FOXA2: variants seen among roughly 807,000 people sequenced by gnomAD.
The protein encoded by FOXA2 is hepatocyte nuclear factor 3-beta.
Under a neutral mutation model 33.3 loss-of-function variants are expected in FOXA2, and 9 were observed. The observed-to-expected ratio is 0.27, with a 90% CI of 0.16 to 0.47. The LOEUF is 0.47. Ranked by LOEUF, FOXA2 falls within the 20% of genes least tolerant of loss-of-function variation. FOXA2 has a pLI of 0.99. For synonymous variants in FOXA2, 329 were observed against 289.4 expected (o/e 1.14, Z -1.39); for missense variants, 704 against 659.9 (o/e 1.07, Z -0.73).
At chr20:22,584,739 T>C (rs1984718737), upstream of FOXA2, among the ~76,000 whole-genome samples, 1 of 147,660 alleles carries the variant, frequency 6.8e-6, no homozygotes, top group Non-Finnish European at 1.5e-5. Context: ...AGCGGACAAG[T>C]GCCGCAGTGA....
upstream of FOXA2, chr20:22,585,390 T>G (rs1265254716): frequency 1.3e-5 from 2 of 152,218 alleles, no homozygotes; most frequent in Non-Finnish European, 2.9e-5. Flanking sequence ...CTCCGACTCC[T>G]CAGACACCGG....
chr20:22,583,258 C>G, intron 1 of FOXA2, 104 bp from the exon 2 acceptor site: 1 of 1,232,490 alleles, frequency 8.1e-7, no homozygotes, highest in East Asian at 2.3e-5. Context: ...GGGGAGGCCT[C>G]CGGGGAGCCC....
Position 22,582,770 on chromosome 20 carries a change from T to G in FOXA2, c.472A>C (p.Arg158=), listed in dbSNP as rs1568716498. Residue 158 remains arginine (R), a synonymous_variant, in exon 2 of 2, where the codon AGG becomes CGG. Transcript: ENST00000419308. ...LSRARDPKTY[R]RSYTHAKPPY... Reference sequence around the variant, plus strand: ...GGCTTTGCGTGCGTGTAGCTGCGCCTGTAGGTCTTGGGGTCGCGGGCGCGG... The same window carrying G: ...GGCTTTGCGTGCGTGTAGCTGCGCCGGTAGGTCTTGGGGTCGCGGGCGCGG... 3.1e-6 allele frequency: 5 copies of G among 1,614,088 alleles called. No homozygotes were observed. The highest frequency in any genetic ancestry group is 4.2e-6 in the Non-Finnish European group (5 of 1,180,006).
intron 1 of FOXA2, among the ~76,000 whole-genome samples, chr20:22,583,587 C>T (rs1210392481): frequency 1.3e-5 from 2 of 152,248 alleles, no homozygotes; most frequent in South Asian, 2.1e-4. Flanking sequence ...CGGGGCGCCT[C>T]GGGCTGCCTC....
intron 1 of FOXA2, 118 bp from the exon 2 acceptor site, chr20:22,583,272 C>A (rs1600434405): frequency 3.9e-6 from 4 of 1,025,890 alleles, no homozygotes; most frequent in Admixed American, 3.4e-5. Context: ...GGAGCCCTTT[C>A]GTCCCCGATG....
At chr20:22,583,829 C>T (rs1984672532) in intron 1 of FOXA2, among the ~76,000 whole-genome samples, 5 of 152,142 alleles carry the variant, frequency 3.3e-5, no homozygotes, top group South Asian at 2.1e-4. Flanking sequence ...CTTCAGCCCC[C>T]AACTCCTACC....
Position 22,582,009 on chromosome 20 carries a change from G to C in FOXA2, c.1233C>G (p.Tyr411Ter), listed in dbSNP as rs1428216250. Residue 411 changes from tyrosine to a stop codon, truncating the protein, a stop_gained, in exon 2 of 2, where the codon TAC becomes TAG. Transcript: ENST00000419308. LOFTEE classifies it high-confidence loss of function. ...HQPHKMDLKAYEQVMHYPGYG... is the reference protein window; with the variant it reads ...HQPHKMDLKA ...AGCCGGGGTAGTGCATCACCTGTTC[G>C]TAGGCCTTGAGGTCCATTTTGTGGG... 1 of 1,614,198 alleles carries C rather than the reference G, an allele frequency of 6.2e-7. No homozygotes were observed. The highest frequency in any genetic ancestry group is 8.5e-7 in the Non-Finnish European group (1 of 1,180,020).
chr20:22,584,619 T>G (rs983950687), upstream of FOXA2, among the ~76,000 whole-genome samples: 4 of 49,562 alleles, frequency 8.1e-5, no homozygotes, highest in Non-Finnish European at 1.8e-4. Context: ...CGGGGGCTAG[T>G]GGGGGGGTGG....
chr20:22,583,295 G>T, intron 1 of FOXA2, 141 bp from the exon 2 acceptor site: 1 of 860,952 alleles, frequency 1.2e-6, no homozygotes, highest in South Asian at 1.3e-5. Context: ...CCAGTCTCCG[G>T]ACTCCGAGTC....
Position 22,582,387 on chromosome 20 carries a change from T to G in FOXA2, c.855A>C (p.Gly285=). 6.5e-7 allele frequency: 1 copy of G among 1,541,370 alleles called. No homozygotes were observed. Among genetic ancestry groups the G allele is most frequent in the Middle Eastern group, 2.3e-4 (1 of 4,296 alleles). Residue 285 remains glycine (G), a synonymous_variant, in exon 2 of 2, where the codon GGA becomes GGC. Coordinates refer to ENST00000419308, the MANE Select transcript of FOXA2 (RefSeq NM_021784.5). ...CGAGTTGAGCCTGTGAGGCCTGGGC[T>G]CCGGCGGCCGCCTTCTTGCCGCTGC... ...AAGSGKKAAA[G]AQASQAQLGE... is the part of the protein sequence containing the mutation.
At position 22,583,141 on chromosome 20, in the gene FOXA2, A is replaced by G; in HGVS notation, c.101T>C (p.Val34Ala). 1 of 1,602,340 alleles carries G rather than the reference A, an allele frequency of 6.2e-7. No homozygotes were observed. The highest frequency in any genetic ancestry group is 8.5e-7 in the Non-Finnish European group (1 of 1,179,768). Residue 34 changes from valine (V) to alanine (A), a missense_variant, in exon 2 of 2, where the codon GTG (valine) becomes GCG (alanine). By Grantham distance (64) the Val-to-Ala change is moderately conservative. Coordinates refer to ENST00000419308, the MANE Select transcript of FOXA2 (RefSeq NM_021784.5). ...CCCCAGGCCGGCGTTCATGTTGCTC[A>G]CGGAGGAGTAGCCCTGCGGACAGAG... ...YYAEPEGYSSVSNMNAGLGMN... is the reference protein window; with the variant it reads ...YYAEPEGYSSASNMNAGLGMN...
chr20:22,581,948 G>A lies in FOXA2; in HGVS notation c.1294C>T (p.Pro432Ser). ...SPMPGSLAMG[P>S]VTNKTGLDAS... ...TCCAGGCCCGTTTTGTTCGTGACCG[G>A]GCCCATGGCCAAGCTGCCAGGCATG... The change falls in exon 2 of 2, where the codon CCG (proline) becomes TCG (serine). Residue 432 changes from proline to serine, a missense_variant. By Grantham distance (74) the Pro-to-Ser change is moderately conservative (BLOSUM62 -1). Coordinates refer to ENST00000419308, the MANE Select transcript of FOXA2 (RefSeq NM_021784.5). The A allele has an allele frequency of 1.2e-6, 2 of 1,612,292 alleles. No individual in the cohort carries two copies. Among genetic ancestry groups the A allele is most frequent in the Non-Finnish European group, 1.7e-6 (2 of 1,178,446 alleles).
At chr20:22,585,216 CA>C (rs1232593527), upstream of FOXA2, 4 of 152,292 alleles carry the variant, frequency 2.6e-5, no homozygotes, top group African/African-American at 9.6e-5. Context: ...GTCAAAACAG[CA>C]AGTCCATGAC....
Position 22,584,413 on chromosome 20 carries a change from C to T in FOXA2, c.-135G>A. ...TCGCGCTCCCTCTCCCTGGGCTCCA[C>T]TCCCTCTCTCTCCCTGGGCAGGCCG... is the stretch of plus-strand genomic sequence containing the variant. On this transcript the variant is annotated 5_prime_UTR_variant, in exon 1 of 2. The change creates a new upstream start codon in the 5' untranslated region. Coordinates refer to ENST00000419308, the MANE Select transcript of FOXA2 (RefSeq NM_021784.5). The T allele has an allele frequency of 5.6e-6, 4 of 712,344 alleles. No individual in the cohort carries two copies. Among genetic ancestry groups the T allele is most frequent in the South Asian group, 3.2e-5 (2 of 61,944 alleles). 44.1% of individuals were successfully genotyped at this position (712,344 alleles called of 1,614,324 possible). A position where few individuals can be genotyped will look rare whatever the true frequency, so the allele number is the denominator to read the frequency against.
In FOXA2 at chr20:22,582,051, G is replaced by A. The variant is rs747169418; in HGVS notation, c.1191C>T (p.Ser397=). ...LMSSEQQHHH[S]HHHHQPHKMD... ...TTTTGTGGGGTTGGTGGTGGTGGTG[G>A]CTGTGGTGGTGCTGCTGCTCCGAGG... The change falls in exon 2 of 2, where the codon AGC becomes AGT. Residue 397 remains serine, a synonymous_variant. Coordinates refer to ENST00000419308, the MANE Select transcript of FOXA2 (RefSeq NM_021784.5). 2.5e-6 allele frequency: 4 copies of A among 1,613,494 alleles called. No individual in the cohort carries two copies. The highest frequency in any genetic ancestry group is 3.4e-6 in the Non-Finnish European group (4 of 1,179,540).
chr20:22,583,696 G>A (rs376256662), intron 1 of FOXA2, among the ~76,000 whole-genome samples: 2 of 152,314 alleles, frequency 1.3e-5, no homozygotes, highest in African/African-American at 4.8e-5. Context: ...GCGGAGTGCG[G>A]GGGCGGCTGG....
At chr20:22,583,253 G>A (rs1054862858) in intron 1 of FOXA2, 99 bp from the exon 2 acceptor site, 4 of 1,318,374 alleles carry the variant, frequency 3.0e-6, no homozygotes, top group Non-Finnish European at 4.3e-6. Context: ...CGTCCGGGGA[G>A]GCCTCCGGGG....
chr20:22,584,463 G>T lies in FOXA2; in HGVS notation c.-185C>A. The T allele has an allele frequency of 1.9e-6, 1 of 538,658 alleles. No individual in the cohort carries two copies. Among genetic ancestry groups the T allele is most frequent in the Non-Finnish European group, 3.4e-6 (1 of 291,712 alleles). 33.4% of individuals were successfully genotyped at this position (538,658 alleles called of 1,614,324 possible). ...GGAGGCGGTAGTTGGAAGTGGGCGG[G>T]AGGTGGGGGGGGGCGAGGAGCGGAG... On this transcript the variant is annotated 5_prime_UTR_variant, in exon 1 of 2. Coordinates refer to ENST00000419308, the MANE Select transcript of FOXA2 (RefSeq NM_021784.5).
rs556684561 is a variant in FOXA2 at position 22,582,507 on chromosome 20, C to G, written c.735G>C (p.Ser245=). The change falls in exon 2 of 2, where the codon TCG becomes TCC. Residue 245 remains serine, a synonymous_variant. Coordinates refer to ENST00000419308, the MANE Select transcript of FOXA2 (RefSeq NM_021784.5). The part of the protein sequence containing the change: ...KGSFWTLHPD[S]GNMFENGCYL... ...AGCAGCCGTTCTCGAACATGTTGCC[C>G]GAGTCAGGGTGCAGGGTCCAGAAGG... The G allele has an allele frequency of 6.2e-7, 1 of 1,614,076 alleles. No individual in the cohort carries two copies. Among genetic ancestry groups the G allele is most frequent in the East Asian group, 2.2e-5 (1 of 44,854 alleles).
Sources: gnomAD v4.1 joint callset for allele counts (sites outside exome capture counted in the v4.1 genomes callset) on GRCh38, gnomAD v4.1.1 for gene constraint, MANE v1.5 for transcripts, NCBI Gene and HGNC (gene_info 2026-07-23, HGNC 2026-07-21) for gene names.